RASEF: variants seen among roughly 807,000 people sequenced by gnomAD.
RASEF encodes ras and EF-hand domain-containing protein.
Under a neutral mutation model 90.1 loss-of-function variants are expected in RASEF, and 68 were observed. That is an observed-to-expected ratio of 0.75 (90% confidence interval 0.62 to 0.92). The LOEUF is 0.92. Among genes scored for constraint, RASEF ranks in the 40% least tolerant of loss-of-function variants. The pLI, the probability that RASEF is intolerant of heterozygous loss-of-function variation, is 0.00. For missense variants in RASEF, 949 were observed against 937.2 expected, an observed-to-expected ratio of 1.01 and a Z score of -0.16; for synonymous variants, 331 against 345.2, an observed-to-expected ratio of 0.96 and a Z score of 0.46.
chr9:83,124,474 G>T, the RASEF span, among the ~76,000 whole-genome samples: 2 of 152,188 alleles, frequency 1.3e-5, no homozygotes, highest in African/African-American at 4.8e-5. Context: ...GAAGGCTATA[G>T]CTGTTCTATA....
chr9:83,008,681 T>A (rs1485499562), intron 6 of RASEF, among the ~76,000 whole-genome samples: 2 of 151,958 alleles, frequency 1.3e-5, no homozygotes, highest in Admixed American at 1.3e-4. Flanking sequence ...CACAGAGCTA[T>A]CTTTCTACCT....
the RASEF span, among the ~76,000 whole-genome samples, chr9:83,193,912 A>G: frequency 2.0e-5 from 3 of 152,224 alleles, no homozygotes; most frequent in African/African-American, 7.2e-5. Context: ...CAGCCTATGA[A>G]GTTCGAGGGT....
the RASEF span, among the ~76,000 whole-genome samples, chr9:83,143,095 C>T: frequency 6.6e-6 from 1 of 152,270 alleles, no homozygotes; most frequent in South Asian, 2.1e-4. Context: ...GGGCTGAAGT[C>T]ATGATCTGTC....
chr9:83,055,356 G>A, intron 1 of RASEF: 2 of 454,880 alleles, frequency 4.4e-6, no homozygotes, highest in South Asian at 2.1e-5. Flanking sequence ...GGAACTCCCT[G>A]ACCCCTTGCG....
intron 1 of RASEF, among the ~76,000 whole-genome samples, chr9:83,030,114 C>T (rs1476033210): frequency 3.9e-5 from 6 of 152,130 alleles, no homozygotes; most frequent in African/African-American, 1.4e-4. Flanking sequence ...CGCCTGTAAT[C>T]CCAGCACTTT....
At position 83,062,694 on chromosome 9, in the gene RASEF, A is replaced by T; in HGVS notation, c.174T>A (p.Arg58=). Reference sequence around the variant, plus strand: ...ACTCCTGGAAGGTGATGGCGCCGTCACGGTCGGCGTCCAGCCGCTGGAATA... The same window carrying T: ...ACTCCTGGAAGGTGATGGCGCCGTCTCGGTCGGCGTCCAGCCGCTGGAATA... The part of the protein sequence containing the change: ...EAVFQRLDAD[R]DGAITFQEFA... The change falls in exon 1 of 17, where the codon CGT becomes CGA. Residue 58 remains arginine, a synonymous_variant. Transcript: ENST00000376447. 1 of 1,574,756 alleles carries T rather than the reference A, an allele frequency of 6.4e-7. No homozygotes were observed. Among genetic ancestry groups the T allele is most frequent in the Non-Finnish European group, 8.6e-7 (1 of 1,169,140 alleles).
chr9:82,985,737 G>C (rs1468424514), intron 16 of RASEF, among the ~76,000 whole-genome samples: 1 of 152,130 alleles, frequency 6.6e-6, no homozygotes, highest in African/African-American at 2.4e-5. Context: ...GGGAGAAAGC[G>C]AGAAAAATGC....
chr9:83,098,472 T>C, the RASEF span, among the ~76,000 whole-genome samples: 2 of 152,200 alleles, frequency 1.3e-5, no homozygotes, highest in African/African-American at 4.8e-5. Context: ...ACCCTCATGA[T>C]TATGACTACT....
At chr9:83,157,130 C>G in the RASEF span, among the ~76,000 whole-genome samples, 2 of 152,182 alleles carry the variant, frequency 1.3e-5, no homozygotes, top group African/African-American at 4.8e-5. Flanking sequence ...CTGTGTAATG[C>G]CAAAATGGCC....
chr9:83,166,082 G>A, the RASEF span, among the ~76,000 whole-genome samples: 1 of 151,900 alleles, frequency 6.6e-6, no homozygotes, highest in Non-Finnish European at 1.5e-5. Flanking sequence ...ACCAAACATT[G>A]AACAGAGAAA....
In RASEF at chr9:83,044,507, AT is replaced by A. The variant is rs113010949; in HGVS notation, c.431+17929del. Among the ~76,000 whole-genome samples, 814 of 151,998 alleles carry A rather than the reference AT, an allele frequency of 5.4e-3. 10 individuals carry two copies. The highest frequency in any genetic ancestry group is 0.018 in the African/African-American group (752 of 41,480). Reference sequence around the variant, plus strand: ...TGTAGGGCAAGCCTTTTCTTGGGAAATAAAAAAAAAATTAATAACTTTAAAG... The same window carrying A: ...TGTAGGGCAAGCCTTTTCTTGGGAAAAAAAAAAAAATTAATAACTTTAAAG... On this transcript the variant is annotated intron_variant, in intron 1 of 16. Transcript: ENST00000376447.
chr9:83,122,643 A>G, the RASEF span, among the ~76,000 whole-genome samples: 1 of 152,342 alleles, frequency 6.6e-6, no homozygotes, highest in South Asian at 2.1e-4. Flanking sequence ...ATTAAAAATT[A>G]TATTTATAAA....
intron 1 of RASEF, chr9:83,048,832 T>C: frequency 1.1e-6 from 1 of 885,680 alleles, no homozygotes; most frequent in South Asian, 5.2e-5. Context: ...TAGACCTTAT[T>C]AAAGACTCCT....
intron 1 of RASEF, among the ~76,000 whole-genome samples, chr9:83,038,259 CAT>C (rs199773965): frequency 2.2e-3 from 328 of 152,150 alleles, no homozygotes; most frequent in African/African-American, 6.9e-3. Context: ...GAATTATTCA[CAT>C]ATGTTAACAT....
chr9:83,204,944 C>T, the RASEF span, among the ~76,000 whole-genome samples: 7 of 152,316 alleles, frequency 4.6e-5, no homozygotes, highest in African/African-American at 1.4e-4. Flanking sequence ...TCCTTTAAAG[C>T]AGGTGAGACA....
intron 1 of RASEF, among the ~76,000 whole-genome samples, chr9:83,029,124 C>T (rs1254741142): frequency 6.6e-6 from 1 of 152,158 alleles, no homozygotes; most frequent in African/African-American, 2.4e-5. Context: ...CAAACAAATA[C>T]CATATAGGGC....
chr9:83,176,642 A>C, the RASEF span, among the ~76,000 whole-genome samples: 2 of 151,854 alleles, frequency 1.3e-5, no homozygotes, highest in South Asian at 4.2e-4. Context: ...CTATATTTTA[A>C]AGTTATTTTT....
intron 14 of RASEF, among the ~76,000 whole-genome samples, chr9:82,994,656 A>C (rs570119333): frequency 6.6e-6 from 1 of 152,338 alleles, no homozygotes; most frequent in East Asian, 1.9e-4. Flanking sequence ...TCCTCAAAAA[A>C]TAGTTTTGAA....
the RASEF span, among the ~76,000 whole-genome samples, chr9:83,185,740 C>T: frequency 1.3e-5 from 2 of 152,112 alleles, no homozygotes; most frequent in Non-Finnish European, 2.9e-5. Context: ...GGGAGATAAG[C>T]AGCTCCTGAA....
Sources: allele counts gnomAD v4.1 joint callset (sites outside exome capture counted in the v4.1 genomes callset), GRCh38; gene constraint gnomAD v4.1.1; transcripts MANE v1.5; gene names NCBI Gene and HGNC (gene_info 2026-07-23, HGNC 2026-07-21).